The following TRDN variants were observed in gnomAD, a reference collection of about 807,000 sequenced individuals.
TRDN encodes triadin, also known as triadin in skeletal muscle.
In TRDN, 161 loss-of-function variants were observed where a neutral mutation model predicts 149.7. The ratio of observed to expected loss-of-function variants is 1.08; its 90% CI spans 0.95 to 1.23. The LOEUF is 1.23. TRDN is among the 50% of genes most tolerant of loss of function. The probability of loss-of-function intolerance (pLI) is 0.00; values close to 1 mark genes in which losing one functional copy is unlikely to be tolerated. For synonymous variants in TRDN, 294 were observed against 250.5 expected, an observed-to-expected ratio of 1.17 and a Z score of -1.64; for missense variants, 896 against 823.5, an observed-to-expected ratio of 1.09 and a Z score of -1.08.
chr6:123,505,165 A>T (rs1778863678), intron 7 of TRDN, among the ~76,000 whole-genome samples: 1 of 147,254 alleles, frequency 6.8e-6, no homozygotes, highest in Admixed American at 7.0e-5. Flanking sequence ...AATCATTTGA[A>T]CCAGGGAAGC....
At chr6:123,621,425 A>G (rs1031509216) in intron 1 of TRDN, among the ~76,000 whole-genome samples, 1 of 152,154 alleles carries the variant, frequency 6.6e-6, no homozygotes, top group African/African-American at 2.4e-5. Flanking sequence ...TTTTCACCAT[A>G]GAACATAGTG....
At chr6:123,567,212 A>G (rs369271927) in intron 2 of TRDN, among the ~76,000 whole-genome samples, 1 of 152,232 alleles carries the variant, frequency 6.6e-6, no homozygotes, top group African/African-American at 2.4e-5. Flanking sequence ...AACTGTGTAT[A>G]TTTTAAAAGC....
intron 1 of TRDN, among the ~76,000 whole-genome samples, chr6:123,606,698 A>G (rs1055794460): frequency 2.0e-5 from 3 of 152,164 alleles, no homozygotes; most frequent in South Asian, 2.1e-4. Context: ...TAAGCCAAAT[A>G]TTCTTTGTTA....
intron 7 of TRDN, among the ~76,000 whole-genome samples, chr6:123,506,735 C>A (rs193179975): frequency 6.6e-6 from 1 of 152,112 alleles, no homozygotes; most frequent in African/African-American, 2.4e-5. Context: ...GCGATCCACC[C>A]GCCTCGGCCT....
rs370102595 is a variant in TRDN, at chr6:123,571,151, A to C, written c.23-19T>G. ...GCATTTCCTAATCAAACATTCAGAA[A>C]GGAAAATATAATTTAGAGATTCATG... is the stretch of plus-strand genomic sequence containing the variant. On this transcript the variant is annotated intron_variant, in intron 1 of 40. Transcript: ENST00000334268. 381 of 1,611,852 alleles carry C rather than the reference A, an allele frequency of 2.4e-4. No individual in the cohort carries two copies. Among genetic ancestry groups the C allele is most frequent in the Non-Finnish European group, 3.0e-4 (353 of 1,178,306 alleles).
intron 24 of TRDN, among the ~76,000 whole-genome samples, chr6:123,305,810 T>C (rs1778586864): frequency 6.6e-6 from 1 of 152,150 alleles, no homozygotes; most frequent in Non-Finnish European, 1.5e-5. Flanking sequence ...CTTTTATCTG[T>C]ACTGTGAGCA....
At chr6:123,546,957 A>G (rs577277819) in intron 4 of TRDN, among the ~76,000 whole-genome samples, 23 of 152,214 alleles carry the variant, frequency 1.5e-4, no homozygotes, top group African/African-American at 4.8e-4. Context: ...GGCAAAAAAA[A>G]TAAAAGGAAA....
intron 12 of TRDN, among the ~76,000 whole-genome samples, chr6:123,406,895 C>T (rs1218973676): frequency 1.3e-5 from 2 of 152,068 alleles, no homozygotes; most frequent in Non-Finnish European, 1.5e-5. Flanking sequence ...TTGCTCCAAG[C>T]CTGGTGGGTT....
chr6:123,435,745 G>C (rs1406374084), intron 12 of TRDN, among the ~76,000 whole-genome samples: 1 of 152,098 alleles, frequency 6.6e-6, no homozygotes, highest in African/African-American at 2.4e-5. Context: ...GAATAGTCCT[G>C]CCTAGATGTG....
intron 23 of TRDN, among the ~76,000 whole-genome samples, chr6:123,323,610 G>A (rs927833128): frequency 1.3e-5 from 2 of 152,122 alleles, no homozygotes; most frequent in Admixed American, 1.3e-4. Flanking sequence ...ATCCTTCCTT[G>A]GCAAAATTCC....
rs552023174 is a variant in TRDN at position 123,461,200 on chromosome 6, G to T, written c.931+3706C>A. On this transcript the variant is annotated intron_variant, in intron 10 of 40. Coordinates refer to ENST00000334268, the MANE Select transcript of TRDN (RefSeq NM_006073.4). The stretch of plus-strand genomic sequence containing the variant: ...ATAGGTGAAGAAATTGAGGCCCTAA[G>T]AAGTCAATTGATTTGTCAAAGACCA... 2.6e-5 allele frequency among the ~76,000 whole-genome samples: 4 copies of T among 152,148 alleles called. No individual in the cohort carries two copies. The East Asian group carries it at 7.7e-4, about 29-fold the overall frequency.
At chr6:123,451,009 A>T (rs976247682) in intron 10 of TRDN, among the ~76,000 whole-genome samples, 4 of 152,206 alleles carry the variant, frequency 2.6e-5, no homozygotes, top group African/African-American at 4.8e-5. Context: ...GCACTGGCTC[A>T]AAAACAAAAT....
At chr6:123,404,391 A>G (rs915053510) in intron 12 of TRDN, among the ~76,000 whole-genome samples, 2 of 152,124 alleles carry the variant, frequency 1.3e-5, no homozygotes, top group Admixed American at 6.6e-5. Flanking sequence ...TTAGATTACA[A>G]TCTATTTTTA....
chr6:123,586,636 C>T (rs551847447), intron 1 of TRDN, among the ~76,000 whole-genome samples: 14 of 151,952 alleles, frequency 9.2e-5, no homozygotes, highest in African/African-American at 2.9e-4. Context: ...TGGGGTCAAG[C>T]GGCATTGCAG....
chr6:123,350,794 C>G (rs1211820976), intron 21 of TRDN: 16 of 980,498 alleles, frequency 1.6e-5, no homozygotes, highest in Non-Finnish European at 1.8e-5. Flanking sequence ...TAAAAATAGC[C>G]ATTGAAAGAA....
At chr6:123,442,997 G>T (rs1775016319) in intron 10 of TRDN, among the ~76,000 whole-genome samples, 1 of 152,050 alleles carries the variant, frequency 6.6e-6, no homozygotes, top group Admixed American at 6.6e-5. Context: ...GCAGAGAAAT[G>T]AGTAGAATGT....
At chr6:123,359,409 C>G (rs144006357) in intron 20 of TRDN, among the ~76,000 whole-genome samples, 1 of 152,158 alleles carries the variant, frequency 6.6e-6, no homozygotes, top group African/African-American at 2.4e-5. Flanking sequence ...AACAGGGGAA[C>G]AGAATATTAA....
chr6:123,477,773 A>T (rs1226042832), intron 9 of TRDN, among the ~76,000 whole-genome samples: 1 of 152,054 alleles, frequency 6.6e-6, no homozygotes, highest in African/African-American at 2.4e-5. Flanking sequence ...CATGGATGAA[A>T]TTGGAAATCA....
chr6:123,297,250 CT>C (rs1335453887), intron 24 of TRDN, among the ~76,000 whole-genome samples: 1 of 152,030 alleles, frequency 6.6e-6, no homozygotes, highest in Non-Finnish European at 1.5e-5. Context: ...TCTGTTCTCA[CT>C]TTTCATCTCA....
Sources: allele counts gnomAD v4.1 joint callset (sites outside exome capture counted in the v4.1 genomes callset), GRCh38; gene constraint gnomAD v4.1.1; transcripts MANE v1.5; gene names NCBI Gene and HGNC (gene_info 2026-07-23, HGNC 2026-07-21).